SYNPR: variants seen among roughly 807,000 people sequenced by gnomAD.
SYNPR encodes synaptoporin.
A neutral mutation model predicts 32.9 loss-of-function variants in SYNPR; 23 were observed. The observed-to-expected ratio is 0.70, with a 90% CI of 0.50 to 0.99. The LOEUF is 0.99. Ranked by LOEUF, SYNPR falls within the 50% of genes least tolerant of loss-of-function variation. SYNPR has a pLI of 0.00. For synonymous variants in SYNPR, 146 were observed against 135.9 expected (o/e 1.07, Z -0.52); for missense variants, 318 against 349.3 (o/e 0.91, Z 0.71).
At chr3:63,210,136 TAGAG>T in the SYNPR span, among the ~76,000 whole-genome samples, 21 of 152,348 alleles carry the variant, frequency 1.4e-4, no homozygotes, top group African/African-American at 5.1e-4. Context: ...TTTGTGTAAT[TAGAG>T]AGATTCAATT....
chr3:63,286,285 G>GTT (rs1410858485), intron 2 of SYNPR, among the ~76,000 whole-genome samples: 1 of 139,426 alleles, frequency 7.2e-6, no homozygotes, highest in Non-Finnish European at 1.6e-5. Context: ...GCCTTCAGGG[G>GTT]TTTGTCGTAG....
chr3:63,430,404 C>T (rs1699971721), intron 2 of SYNPR, among the ~76,000 whole-genome samples: 1 of 150,738 alleles, frequency 6.6e-6, no homozygotes, highest in Non-Finnish European at 1.5e-5. Context: ...ACAACCTTAT[C>T]CTCATGGAAA....
intron 3 of SYNPR, among the ~76,000 whole-genome samples, chr3:63,542,377 A>G (rs149613506): frequency 6.6e-6 from 1 of 152,242 alleles, no homozygotes; most frequent in East Asian, 1.9e-4. Flanking sequence ...CGTTGGGGAT[A>G]CTAAGATAAG....
intron 2 of SYNPR, among the ~76,000 whole-genome samples, chr3:63,266,081 G>A (rs2367774): frequency 0.22 from 34,025 of 152,076 alleles, 4,169 homozygotes; most frequent in African/African-American, 0.28. Context: ...GTTCACAGAT[G>A]CTGCAAAGAT....
chr3:63,442,949 T>C, intron 2 of SYNPR: 1 of 886,646 alleles, frequency 1.1e-6, no homozygotes, highest in Non-Finnish European at 1.4e-6. Context: ...CCCCATACCC[T>C]TAAAACACAA....
intron 3 of SYNPR, among the ~76,000 whole-genome samples, chr3:63,508,138 T>C (rs1701625286): frequency 6.6e-6 from 1 of 152,130 alleles, no homozygotes; most frequent in African/African-American, 2.4e-5. Context: ...GGCTACTCTT[T>C]CGAATAGCAT....
chr3:63,361,340 C>G (rs1378760065), intron 2 of SYNPR, among the ~76,000 whole-genome samples: 1 of 152,030 alleles, frequency 6.6e-6, no homozygotes, highest in East Asian at 1.9e-4. Context: ...GTAATCCCAG[C>G]ACTTTGGGAG....
chr3:63,258,041 C>A (rs2086403180), intron 2 of SYNPR, among the ~76,000 whole-genome samples: 1 of 152,122 alleles, frequency 6.6e-6, no homozygotes, highest in African/African-American at 2.4e-5. Context: ...TATATATGCA[C>A]CCAATACAGG....
intron 2 of SYNPR, among the ~76,000 whole-genome samples, chr3:63,355,040 A>G (rs186566937): frequency 2.1e-4 from 32 of 152,320 alleles, no homozygotes; most frequent in African/African-American, 2.9e-4. Context: ...GCACTTTGGG[A>G]GGCCAAGGCA....
intron 2 of SYNPR, among the ~76,000 whole-genome samples, chr3:63,480,483 C>T (rs953603344): frequency 6.6e-6 from 1 of 152,180 alleles, no homozygotes; most frequent in African/African-American, 2.4e-5. Flanking sequence ...CTGGAGACAT[C>T]CATTATTAAC....
At chr3:63,580,358 A>C (rs1364838395) in intron 4 of SYNPR, among the ~76,000 whole-genome samples, 1 of 152,194 alleles carries the variant, frequency 6.6e-6, no homozygotes, top group Non-Finnish European at 1.5e-5. Context: ...TTTAAAAACT[A>C]TTCTTTCCTC....
chr3:63,436,984 C>A (rs1354177259), intron 2 of SYNPR, among the ~76,000 whole-genome samples: 3 of 152,180 alleles, frequency 2.0e-5, no homozygotes, highest in Non-Finnish European at 4.4e-5. Context: ...TCAAGCAATT[C>A]TCCTGCCTCA....
chr3:63,522,877 C>T (rs1701941776), intron 3 of SYNPR, among the ~76,000 whole-genome samples: 2 of 152,124 alleles, frequency 1.3e-5, no homozygotes, highest in Admixed American at 6.5e-5. Flanking sequence ...AGATTTTACC[C>T]TAAGAGCACA....
chr3:63,286,497 G>A (rs532797250), intron 2 of SYNPR, among the ~76,000 whole-genome samples: 4 of 152,290 alleles, frequency 2.6e-5, no homozygotes, highest in Non-Finnish European at 4.4e-5. Context: ...TAGAAACTGG[G>A]GAAAACCCTG....
chr3:63,588,283 G>C (rs1050157912), intron 4 of SYNPR, among the ~76,000 whole-genome samples: 8 of 152,052 alleles, frequency 5.3e-5, no homozygotes, highest in African/African-American at 1.9e-4. Context: ...AAACATTGTA[G>C]TCTAGAGTAC....
At position 63,615,336 on chromosome 3, in the gene SYNPR, A is replaced by C. The variant is rs1341390821; in HGVS notation, c.713A>C (p.His238Pro). The stretch of plus-strand genomic sequence containing the variant: ...TATCTTTCAGATCCAATGGAGAAGC[A>C]CTCCAGCAGCTATAATCAAGGTGGT... ...QRYLSDPMEK[H>P]SSSYNQGGYN... The change falls in exon 6 of 6, where the codon CAC becomes CCC. Residue 238 changes from histidine to proline, a missense_variant. Physicochemically the swap from His to Pro is moderately conservative, Grantham distance 77. Transcript: ENST00000478300. The C allele has an allele frequency of 1.9e-6, 3 of 1,613,742 alleles. No homozygotes were observed. Among genetic ancestry groups the C allele is most frequent in the Non-Finnish European group, 2.5e-6 (3 of 1,179,878 alleles).
At chr3:63,201,818 T>C in the SYNPR span, among the ~76,000 whole-genome samples, 5 of 152,168 alleles carry the variant, frequency 3.3e-5, no homozygotes, top group Non-Finnish European at 7.3e-5. Context: ...AAATTATATA[T>C]GTGGAACAGA....
intron 3 of SYNPR, among the ~76,000 whole-genome samples, chr3:63,498,712 A>G: frequency 6.6e-6 from 1 of 152,144 alleles, no homozygotes. Flanking sequence ...GCGTAAGTGC[A>G]GAGTGTGATG....
chr3:63,430,865 C>G (rs1257575852), intron 2 of SYNPR, among the ~76,000 whole-genome samples: 2 of 152,126 alleles, frequency 1.3e-5, no homozygotes, highest in Non-Finnish European at 2.9e-5. Context: ...CAGGCAGTAG[C>G]TGGAAAAGTA....
Sources: gnomAD v4.1 joint callset for allele counts (sites outside exome capture counted in the v4.1 genomes callset) on GRCh38, gnomAD v4.1.1 for gene constraint, MANE v1.5 for transcripts, NCBI Gene and HGNC (gene_info 2026-07-23, HGNC 2026-07-21) for gene names.